The following HMCN1 variants were observed in gnomAD, a reference collection of about 807,000 sequenced individuals.
The protein encoded by HMCN1 is hemicentin-1.
A neutral mutation model predicts 625.9 loss-of-function variants in HMCN1; 321 were observed. The ratio of observed to expected loss-of-function variants is 0.51; its 90% CI spans 0.47 to 0.56. HMCN1 has a LOEUF of 0.56. Ranked by LOEUF, HMCN1 falls within the 20% of genes least tolerant of loss-of-function variation. HMCN1 has a pLI of 0.00. For missense variants in HMCN1, 6,588 were observed against 6,887.3 expected, an observed-to-expected ratio of 0.96 and a Z score of 1.54; for synonymous variants, 2,425 against 2,417.6, an observed-to-expected ratio of 1.00 and a Z score of -0.09.
intron 1 of HMCN1, among the ~76,000 whole-genome samples, chr1:185,752,803 T>C (rs1056492650): frequency 1.2e-4 from 18 of 152,174 alleles, no homozygotes; most frequent in Admixed American, 7.9e-4. Flanking sequence ...ACTACTTTCC[T>C]GGCAATAGAA....
intron 82 of HMCN1, 140 bp from the exon 83 acceptor site, chr1:186,127,938 A>G: frequency 1.4e-6 from 1 of 735,074 alleles, no homozygotes; most frequent in Admixed American, 2.2e-5. Context: ...AGCTAACCTG[A>G]TGGTTAAGAC....
chr1:185,896,005 G>T (rs555919993), intron 4 of HMCN1, among the ~76,000 whole-genome samples: 1 of 150,830 alleles, frequency 6.6e-6, no homozygotes, highest in African/African-American at 2.5e-5. Context: ...GCGCAATCTC[G>T]GCTCACTGCA....
chr1:186,015,511 C>T lies in HMCN1; in HGVS notation c.4909+74C>T, dbSNP rs763043978. 8.9e-4 allele frequency: 1,221 copies of T among 1,373,078 alleles called. 1 individual carries two copies. The highest frequency in any genetic ancestry group is 1.1e-3 in the Non-Finnish European group (1,111 of 967,256). The allele number at this position is 1,373,078 out of a possible 1,614,324, so 85.1% of individuals were successfully genotyped here. A position where few individuals can be genotyped will look rare whatever the true frequency, so the allele number is the denominator to read the frequency against. On this transcript the variant is annotated intron_variant, in intron 31 of 106. Coordinates refer to ENST00000271588, the MANE Select transcript of HMCN1 (RefSeq NM_031935.3). ...CTAATAGGCAAATATCGAATTTATT[C>T]ACTAATAGTCCTTGGTGGGTTTGTC...
chr1:185,964,148 T>G (rs371459440), intron 13 of HMCN1, among the ~76,000 whole-genome samples: 20 of 152,228 alleles, frequency 1.3e-4, no homozygotes, highest in African/African-American at 4.8e-4. Flanking sequence ...GTCCACAAAG[T>G]TCTATCTTTC....
chr1:185,994,877 A>T lies in HMCN1; in HGVS notation c.3568A>T (p.Ile1190Phe), dbSNP rs751427036. 4 of 1,613,678 alleles carry T rather than the reference A, an allele frequency of 2.5e-6. No homozygotes were observed. Among genetic ancestry groups the T allele is most frequent in the Non-Finnish European group, 3.4e-6 (4 of 1,179,772 alleles). Reference protein sequence around the residue: ...LKVQVGQRVDIPCNAQGTPLP... With the variant: ...LKVQVGQRVDFPCNAQGTPLP... ...AGTCCAAGTTGGTCAAAGAGTGGATATTCCATGTAATGCTCAAGGGACTCC... is the reference window on the plus strand; with the variant it reads ...AGTCCAAGTTGGTCAAAGAGTGGATTTTCCATGTAATGCTCAAGGGACTCC... The change falls in exon 24 of 107, where the codon ATT becomes TTT. Residue 1190 changes from isoleucine to phenylalanine, a missense_variant. Physicochemically the swap from Ile to Phe is conservative, Grantham distance 21. Coordinates refer to ENST00000271588, the MANE Select transcript of HMCN1 (RefSeq NM_031935.3).
chr1:185,871,958 A>G (rs1558030224), intron 4 of HMCN1, among the ~76,000 whole-genome samples: 1 of 152,186 alleles, frequency 6.6e-6, no homozygotes, highest in East Asian at 1.9e-4. Flanking sequence ...GTTTCACTCC[A>G]AAAATTATTT....
At position 185,846,028 on chromosome 1, in the gene HMCN1, A is replaced by T; in HGVS notation, c.271A>T (p.Ile91Phe). The T allele has an allele frequency of 6.2e-7, 1 of 1,601,478 alleles. No homozygotes were observed. The highest frequency in any genetic ancestry group is 8.6e-7 in the Non-Finnish European group (1 of 1,168,812). Residue 91 changes from isoleucine (I) to phenylalanine (F), a missense_variant and splice_region_variant, in exon 2 of 107, where the codon ATT becomes TTT. Physicochemically the swap from Ile to Phe is conservative, Grantham distance 21. Coordinates refer to ENST00000271588, the MANE Select transcript of HMCN1 (RefSeq NM_031935.3). ...CTATGTTATTTTTATCTTCACAGAAATTGGCCCAGTGACAATTACCACAGA... is the reference window on the plus strand; with the variant it reads ...CTATGTTATTTTTATCTTCACAGAATTTGGCCCAGTGACAATTACCACAGA... The part of the protein sequence containing the change: ...FALVPFHDPE[I>F]GPVTITTDPK...
chr1:185,856,014 A>C (rs1484065232), intron 2 of HMCN1, among the ~76,000 whole-genome samples: 3 of 152,232 alleles, frequency 2.0e-5, no homozygotes, highest in Non-Finnish European at 4.4e-5. Flanking sequence ...TACAAGTAAT[A>C]AAAGCCAGCA....
chr1:186,029,227 T>C (rs1655258682), intron 36 of HMCN1, among the ~76,000 whole-genome samples: 1 of 151,788 alleles, frequency 6.6e-6, no homozygotes, highest in African/African-American at 2.4e-5. Flanking sequence ...TTTTTCAACC[T>C]TCTGAGGCTA....
In HMCN1 at chr1:186,106,897, G is replaced by A; in HGVS notation, c.10784G>A (p.Gly3595Glu). 1 of 1,609,090 alleles carries A rather than the reference G, an allele frequency of 6.2e-7. No homozygotes were observed. Among genetic ancestry groups the A allele is most frequent in the Non-Finnish European group, 8.5e-7 (1 of 1,175,436 alleles). Residue 3595 changes from glycine to glutamate, a missense_variant, in exon 70 of 107, where the codon GGA (glycine) becomes GAA (glutamate). Physicochemically the swap from Gly to Glu is moderately conservative, Grantham distance 98. Coordinates refer to ENST00000271588, the MANE Select transcript of HMCN1 (RefSeq NM_031935.3). ...RISTAQVEDTGRYTCLASSPA... is the reference protein window; with the variant it reads ...RISTAQVEDTERYTCLASSPA... Reference sequence around the variant, plus strand: ...TGGGTTTTGTAGGTGGAGGATACAGGAAGATATACATGTCTGGCATCCAGT... The same window carrying A: ...TGGGTTTTGTAGGTGGAGGATACAGAAAGATATACATGTCTGGCATCCAGT...
intron 1 of HMCN1, among the ~76,000 whole-genome samples, chr1:185,755,195 C>T (rs552004587): frequency 6.6e-6 from 1 of 152,252 alleles, no homozygotes; most frequent in East Asian, 1.9e-4. Flanking sequence ...GTGTTTTTCT[C>T]CTTGTACTTT....
intron 11 of HMCN1, among the ~76,000 whole-genome samples, chr1:185,958,985 A>ATTAT (rs1649826645): frequency 6.6e-6 from 1 of 152,182 alleles, no homozygotes; most frequent in Non-Finnish European, 1.5e-5. Flanking sequence ...TATACTTTAT[A>ATTAT]GTGTCTGTGA....
chr1:186,127,949 T>C, intron 82 of HMCN1, 129 bp from the exon 83 acceptor site: 5 of 819,736 alleles, frequency 6.1e-6, no homozygotes, highest in Non-Finnish European at 1.0e-5. Flanking sequence ...TGGTTAAGAC[T>C]AAAAGATGGA....
intron 1 of HMCN1, among the ~76,000 whole-genome samples, chr1:185,838,997 A>T (rs564018045): frequency 2.0e-5 from 3 of 152,334 alleles, no homozygotes; most frequent in Non-Finnish European, 4.4e-5. Flanking sequence ...CTTCATAAAT[A>T]TGGTTTTGTT....
chr1:185,897,749 C>A (rs531568063), intron 4 of HMCN1, among the ~76,000 whole-genome samples: 20 of 152,252 alleles, frequency 1.3e-4, no homozygotes, highest in Middle Eastern at 6.8e-3. Flanking sequence ...AGACCATAAA[C>A]CCCTAAAATA....
intron 2 of HMCN1, among the ~76,000 whole-genome samples, chr1:185,857,465 T>TTGTGTG (rs34112345): frequency 8.1e-5 from 12 of 148,874 alleles, no homozygotes; most frequent in Admixed American, 2.0e-4. Flanking sequence ...TACCTTTCAT[T>TTGTGTG]TGTGTGTGTG....
At chr1:185,990,250 C>T in intron 21 of HMCN1, 25 bp from the exon 22 acceptor site, 1 of 1,606,658 alleles carries the variant, frequency 6.2e-7, no homozygotes, top group Non-Finnish European at 8.5e-7. Flanking sequence ...TACTGTTTCC[C>T]TTCCAAAACA....
intron 67 of HMCN1, 113 bp downstream of exon 67, chr1:186,094,486 G>A: frequency 1.3e-6 from 1 of 792,978 alleles, no homozygotes; most frequent in Non-Finnish European, 2.2e-6. Flanking sequence ...TATCAAAAAG[G>A]ATTAGTGAAA....
chr1:185,923,393 T>C lies in HMCN1; in HGVS notation c.1025T>C (p.Ile342Thr). The C allele has an allele frequency of 6.2e-7, 1 of 1,607,460 alleles. No individual in the cohort carries two copies. Among genetic ancestry groups the C allele is most frequent in the South Asian group, 1.1e-5 (1 of 90,954 alleles). The change falls in exon 8 of 107, where the codon ATA becomes ACA. Residue 342 changes from isoleucine (I) to threonine (T), a missense_variant. Coordinates refer to ENST00000271588, the MANE Select transcript of HMCN1 (RefSeq NM_031935.3). ...TAACAAAATCTTTCTCTTGTAGGAA[T>C]ACCTACCTATGTACTGCTCAATACT... ...KKTVSRPVQG[I>T]PTYVLLNTSG... is the part of the protein sequence containing the mutation.
Sources: allele counts gnomAD v4.1 joint callset (sites outside exome capture counted in the v4.1 genomes callset), GRCh38; gene constraint gnomAD v4.1.1; transcripts MANE v1.5; gene names NCBI Gene and HGNC (gene_info 2026-07-23, HGNC 2026-07-21).